Variants in TBXAS1 observed in about 807,000 individuals in gnomAD.
The protein encoded by TBXAS1 is thromboxane A synthase 1.
TBXAS1 carries 48 observed loss-of-function variants against 60.7 expected under a neutral mutation model. The observed-to-expected ratio is 0.79, with a 90% CI of 0.63 to 1.01. TBXAS1 has a LOEUF of 1.01. Among genes scored for constraint, TBXAS1 ranks in the 50% least tolerant of loss-of-function variants. The probability of loss-of-function intolerance (pLI) is 0.00; values close to 1 mark genes in which losing one functional copy is unlikely to be tolerated. For missense variants in TBXAS1, 685 were observed against 686.3 expected (o/e 1.00, Z 0.02); for synonymous variants, 287 against 269.7 (o/e 1.06, Z -0.63).
chr7:139,854,322 G>A (rs1294877939), intron 1 of TBXAS1, among the ~76,000 whole-genome samples: 1 of 152,158 alleles, frequency 6.6e-6, no homozygotes, highest in East Asian at 1.9e-4. Context: ...TAGGGACAGA[G>A]ATGACTTACA....
chr7:139,812,603 G>A (rs1798045324), intron 4 of TBXAS1, among the ~76,000 whole-genome samples: 1 of 152,180 alleles, frequency 6.6e-6, no homozygotes, highest in South Asian at 2.1e-4. Context: ...AAAATGAGTT[G>A]AGGGGACTTG....
At chr7:139,795,822 C>T (rs924813846) in intron 4 of TBXAS1, among the ~76,000 whole-genome samples, 3 of 152,096 alleles carry the variant, frequency 2.0e-5, no homozygotes, top group Admixed American at 6.6e-5. Flanking sequence ...CCTCTGCCTA[C>T]GTAACCAGGC....
rs145341183 is a variant in TBXAS1 at position 139,986,793 on chromosome 7, GTGTGTGTATATATATATA to G, written c.1135-20296_1135-20279del. On this transcript the variant is annotated intron_variant, in intron 9 of 12. Coordinates refer to ENST00000448866, the MANE Select transcript of TBXAS1 (RefSeq NM_001061.7). Reference sequence around the variant, plus strand: ...TGTGTGTGTGTGTGTGTGTGTGTGTGTGTGTGTATATATATATATATATACACCATAGTTTCTTTATCC... The same window carrying G: ...TGTGTGTGTGTGTGTGTGTGTGTGTGTATATACACCATAGTTTCTTTATCC... Among the ~76,000 whole-genome samples the G allele has an allele frequency of 3.7e-3, 150 of 40,154 alleles. 1 individual carries two copies. Among genetic ancestry groups the G allele is most frequent in the African/African-American group, 0.011 (115 of 10,712 alleles). 26.3% of individuals were successfully genotyped at this position (40,154 alleles called of 152,430 possible). A position where few individuals can be genotyped will look rare whatever the true frequency, so the allele number is the denominator to read the frequency against.
intron 9 of TBXAS1, among the ~76,000 whole-genome samples, chr7:139,982,738 T>C (rs1380490867): frequency 2.0e-5 from 3 of 152,162 alleles, no homozygotes; most frequent in Non-Finnish European, 2.9e-5. Context: ...CCCTAAAGGA[T>C]CACAGCCCAC....
chr7:139,992,599 G>A (rs1015448178), intron 9 of TBXAS1, among the ~76,000 whole-genome samples: 8 of 152,348 alleles, frequency 5.3e-5, no homozygotes, highest in East Asian at 1.9e-4. Context: ...TGGAGGAGGC[G>A]GCCCTGGAGA....
At chr7:139,943,457 C>T (rs924974949) in intron 5 of TBXAS1, among the ~76,000 whole-genome samples, 2 of 152,232 alleles carry the variant, frequency 1.3e-5, no homozygotes, top group African/African-American at 4.8e-5. Context: ...ACACACTCCT[C>T]ATCATGGGCA....
chr7:139,834,210 G>A (rs1178865236), intron 1 of TBXAS1, among the ~76,000 whole-genome samples: 1 of 152,152 alleles, frequency 6.6e-6, no homozygotes, highest in African/African-American at 2.4e-5. Flanking sequence ...GCTTCTGAAT[G>A]AGCATTGGGT....
intron 5 of TBXAS1, among the ~76,000 whole-genome samples, chr7:139,938,258 GCCC>G (rs1807971438): frequency 6.6e-6 from 1 of 152,142 alleles, no homozygotes; most frequent in Non-Finnish European, 1.5e-5. Flanking sequence ...GGCCAGTGGG[GCCC>G]ACCGGGATCA....
At position 140,019,942 on chromosome 7, in the gene TBXAS1, G is replaced by A. The variant is rs955977600; in HGVS notation, c.1528-83G>A. 7 of 1,344,770 alleles carry A rather than the reference G, an allele frequency of 5.2e-6. No homozygotes were observed. The African/African-American group carries it at 1.0e-4, about 19-fold the overall frequency. 83.3% of individuals were successfully genotyped at this position (1,344,770 alleles called of 1,614,324 possible). On this transcript the variant is annotated intron_variant, in intron 12 of 12. Coordinates refer to ENST00000448866, the MANE Select transcript of TBXAS1 (RefSeq NM_001061.7). ...TGTGTGACCTTGGACAACGGACTTGGCCTTCTTGAACCTCCAAGTCTTCAT... is the reference window on the plus strand; with the variant it reads ...TGTGTGACCTTGGACAACGGACTTGACCTTCTTGAACCTCCAAGTCTTCAT...
intron 3 of TBXAS1, among the ~76,000 whole-genome samples, chr7:139,784,011 G>T (rs200306603): frequency 1.3e-3 from 176 of 132,014 alleles, no homozygotes; most frequent in Middle Eastern, 7.9e-3. Context: ...AGTTTTTTTT[G>T]TTTTTTTTTT....
At chr7:139,966,635 C>T (rs1370452909) in intron 9 of TBXAS1, among the ~76,000 whole-genome samples, 1 of 152,162 alleles carries the variant, frequency 6.6e-6, no homozygotes, top group Non-Finnish European at 1.5e-5. Flanking sequence ...TCATTTTTTT[C>T]CCTTAAATGT....
chr7:139,783,991 A>G (rs188168312), intron 3 of TBXAS1, among the ~76,000 whole-genome samples: 171 of 144,538 alleles, frequency 1.2e-3, no homozygotes, highest in African/African-American at 4.1e-3. Flanking sequence ...CTTCACATGC[A>G]TGCTTGTTTA....
intron 9 of TBXAS1, among the ~76,000 whole-genome samples, chr7:140,005,824 C>T (rs1319012167): frequency 6.6e-6 from 1 of 152,242 alleles, no homozygotes; most frequent in African/African-American, 2.4e-5. Context: ...ACGATACTGG[C>T]TATGGACTTC....
At chr7:139,788,143 T>G (rs10252208) in intron 4 of TBXAS1, among the ~76,000 whole-genome samples, 15,271 of 152,204 alleles carry the variant, frequency 0.1, 2,536 homozygotes, top group African/African-American at 0.35. Context: ...TCTGAGGTTG[T>G]TAGCCTACAG....
chr7:140,015,962 T>A lies in TBXAS1; in HGVS notation c.1364+102T>A. ...CCGGGAGGCACAGACTTAGCAAAAT[T>A]GTCCCCAAATAGTCAAAAGTTATGG... On this transcript the variant is annotated intron_variant, in intron 11 of 12. Coordinates refer to ENST00000448866, the MANE Select transcript of TBXAS1 (RefSeq NM_001061.7). The A allele has an allele frequency of 2.0e-6, 3 of 1,518,526 alleles. 1 individual carries two copies. The Admixed American group carries it at 5.1e-5, about 26-fold the overall frequency. The allele number at this position is 1,518,526 out of a possible 1,614,324, so 94.1% of individuals were successfully genotyped here. A position where few individuals can be genotyped will look rare whatever the true frequency, so the allele number is the denominator to read the frequency against.
intron 8 of TBXAS1, among the ~76,000 whole-genome samples, chr7:139,958,670 C>T (rs564298192): frequency 6.2e-4 from 94 of 152,290 alleles, no homozygotes; most frequent in African/African-American, 1.9e-3. Context: ...CTTGATACAC[C>T]GAGCGGCCTT....
rs748243621 is a variant in TBXAS1, at chr7:139,829,332, G to A, written c.-59G>A. On this transcript the variant is annotated 5_prime_UTR_variant, in exon 1 of 13. Coordinates refer to ENST00000448866, the MANE Select transcript of TBXAS1 (RefSeq NM_001061.7). ...TGCAGAGCACGGTTCCCATAAGGGC[G>A]GCGAGATCAGCCTCCTGTCTCATCT... is the stretch of plus-strand genomic sequence containing the variant. 1.4e-5 allele frequency: 22 copies of A among 1,528,356 alleles called. No homozygotes were observed. Among genetic ancestry groups the A allele is most frequent in the South Asian group, 2.3e-5 (2 of 86,426 alleles). 94.7% of individuals were successfully genotyped at this position (1,528,356 alleles called of 1,614,324 possible).
upstream of TBXAS1, among the ~76,000 whole-genome samples, chr7:139,825,977 A>G (rs1050639049): frequency 7.9e-5 from 12 of 152,246 alleles, no homozygotes; most frequent in Non-Finnish European, 1.5e-5. Context: ...ATCAATGCTT[A>G]TACCAGCAAT....
At chr7:140,017,627 G>A in intron 11 of TBXAS1, 44 bp from the exon 12 acceptor site, 1 of 1,608,666 alleles carries the variant, frequency 6.2e-7, no homozygotes, top group Non-Finnish European at 8.5e-7. Flanking sequence ...GCAGAGGGGA[G>A]GGAGCGGGTG....
Sources: allele counts gnomAD v4.1 joint callset (sites outside exome capture counted in the v4.1 genomes callset), GRCh38; gene constraint gnomAD v4.1.1; transcripts MANE v1.5; gene names NCBI Gene and HGNC (gene_info 2026-07-23, HGNC 2026-07-21).